The following IGSF11 variants were observed in gnomAD, a reference collection of about 807,000 sequenced individuals.
The protein encoded by IGSF11 is immunoglobulin superfamily member 11.
In IGSF11, 22 loss-of-function variants were observed where a neutral mutation model predicts 41.0. The ratio of observed to expected loss-of-function variants is 0.54; its 90% CI spans 0.38 to 0.77. The LOEUF (loss-of-function observed/expected upper bound fraction) is 0.77. Ranked by LOEUF, IGSF11 falls within the 30% of genes least tolerant of loss-of-function variation. IGSF11 has a pLI of 0.00. For missense variants in IGSF11, 444 were observed against 530.8 expected, an observed-to-expected ratio of 0.84 and a Z score of 1.61; for synonymous variants, 219 against 201.3, an observed-to-expected ratio of 1.09 and a Z score of -0.74.
chr3:118,946,456 A>AAG (rs1553758997), intron 1 of IGSF11, among the ~76,000 whole-genome samples: 5 of 151,846 alleles, frequency 3.3e-5, no homozygotes, highest in Non-Finnish European at 7.4e-5. Context: ...TAAAAAAAAA[A>AAG]AAGAAGAAGA....
chr3:118,937,742 A>G (rs965022516), intron 1 of IGSF11, among the ~76,000 whole-genome samples: 23 of 152,322 alleles, frequency 1.5e-4, no homozygotes, highest in African/African-American at 5.3e-4. Flanking sequence ...ATAAAATTAT[A>G]TATCTTCATT....
intron 1 of IGSF11, among the ~76,000 whole-genome samples, chr3:118,935,471 C>G (rs1231560587): frequency 6.7e-6 from 1 of 148,220 alleles, no homozygotes; most frequent in Non-Finnish European, 1.5e-5. Flanking sequence ...TATCAGATGC[C>G]AAAAGAGACT....
chr3:119,138,258 T>C (rs1324256390), intron 1 of IGSF11, among the ~76,000 whole-genome samples: 1 of 152,068 alleles, frequency 6.6e-6, no homozygotes, highest in Non-Finnish European at 1.5e-5. Flanking sequence ...GTCAAAGAGA[T>C]ATCTTCACTC....
rs1317322319 is a variant in IGSF11 at position 119,001,583 on chromosome 3, C to T, written c.52+32948G>A. On this transcript the variant is annotated intron_variant, in intron 1 of 6. Coordinates refer to ENST00000393775, the MANE Select transcript of IGSF11 (RefSeq NM_001015887.3). ...TGCGCTGCACCCACTAACTCGTCAT[C>T]TAGCATTAGGTATATCTCCCAATGC... Among the ~76,000 whole-genome samples the T allele has an allele frequency of 6.3e-5, 9 of 142,516 alleles. 1 individual carries two copies. Among genetic ancestry groups the T allele is most frequent in the African/African-American group, 2.4e-4 (9 of 38,222 alleles). The allele number at this position is 142,516 out of a possible 152,430, so 93.5% of individuals were successfully genotyped here. A position where few individuals can be genotyped will look rare whatever the true frequency, so the allele number is the denominator to read the frequency against.
At chr3:119,109,387 G>A (rs1468531220), upstream of IGSF11, among the ~76,000 whole-genome samples, 11 of 152,186 alleles carry the variant, frequency 7.2e-5, no homozygotes, top group African/African-American at 2.6e-4. Context: ...AGAGGTGTTT[G>A]TAGTATTCTC....
In IGSF11 at chr3:119,017,039, C is replaced by CAAAAAAAA. The variant is rs60190891; in HGVS notation, c.52+17484_52+17491dup. On this transcript the variant is annotated intron_variant, in intron 1 of 6. Transcript: ENST00000393775. ...TGAGCAAAGTTAAATGGACGCAGGACAAAAAAAAAAAAAAAAAAGCCAACT... is the reference window on the plus strand; with the variant it reads ...TGAGCAAAGTTAAATGGACGCAGGACAAAAAAAAAAAAAAAAAAAAAAAAAAGCCAACT... 1.0e-4 allele frequency among the ~76,000 whole-genome samples: 9 copies of CAAAAAAAA among 88,334 alleles called. 3 individuals are homozygous for CAAAAAAAA. Among genetic ancestry groups the CAAAAAAAA allele is most frequent in the Non-Finnish European group, 1.5e-4 (6 of 40,006 alleles). The allele number at this position is 88,334 out of a possible 152,430, so 58.0% of individuals were successfully genotyped here. A position where few individuals can be genotyped will look rare whatever the true frequency, so the allele number is the denominator to read the frequency against.
intron 1 of IGSF11, among the ~76,000 whole-genome samples, chr3:119,055,117 C>T (rs985842207): frequency 1.3e-5 from 2 of 152,086 alleles, no homozygotes; most frequent in Non-Finnish European, 2.9e-5. Context: ...AGCTGAGGGT[C>T]GTGACTGTTA....
intron 1 of IGSF11, among the ~76,000 whole-genome samples, chr3:119,122,261 T>G (rs1365742314): frequency 1.3e-5 from 2 of 152,134 alleles, no homozygotes; most frequent in Non-Finnish European, 2.9e-5. Flanking sequence ...ACACAGCAAT[T>G]TGGGGACTTT....
At chr3:119,126,898 A>T (rs532640970) in intron 1 of IGSF11, among the ~76,000 whole-genome samples, 1 of 152,286 alleles carries the variant, frequency 6.6e-6, no homozygotes, top group East Asian at 1.9e-4. Context: ...TCAAAGTCCA[A>T]AACTAGACAA....
chr3:119,127,991 T>C (rs2077425726), intron 1 of IGSF11, among the ~76,000 whole-genome samples: 3 of 152,110 alleles, frequency 2.0e-5, no homozygotes, highest in South Asian at 4.1e-4. Flanking sequence ...AGAAACTGCA[T>C]CAACTAGTGT....
At chr3:119,009,227 C>T (rs1057110554) in intron 1 of IGSF11, among the ~76,000 whole-genome samples, 2 of 152,018 alleles carry the variant, frequency 1.3e-5, no homozygotes, top group African/African-American at 4.8e-5. Flanking sequence ...ATTCTGTTAC[C>T]CAAGCTTTCC....
In IGSF11 at chr3:118,930,211, T is replaced by C; in HGVS notation, c.117A>G (p.Pro39=). ...PGSIQVARGQ[P]AVLPCTFTTS... ...TAGTGAAAGTGCAGGGCAGGACTGC[T>C]GGCTGACCCCGGGCCACCTGGATAC... The change falls in exon 2 of 7, where the codon CCA becomes CCG. Residue 39 remains proline (P), a synonymous_variant. Coordinates refer to ENST00000393775, the MANE Select transcript of IGSF11 (RefSeq NM_001015887.3). 4 of 1,614,036 alleles carry C rather than the reference T, an allele frequency of 2.5e-6. No individual in the cohort carries two copies. Among genetic ancestry groups the C allele is most frequent in the Non-Finnish European group, 3.4e-6 (4 of 1,179,920 alleles).
At chr3:118,992,162 G>A (rs1207306364) in intron 1 of IGSF11, among the ~76,000 whole-genome samples, 1 of 152,164 alleles carries the variant, frequency 6.6e-6, no homozygotes, top group African/African-American at 2.4e-5. Flanking sequence ...CTGAAAGGAA[G>A]AAAAGAGAAA....
At chr3:119,039,333 C>A (rs1941029026), upstream of IGSF11, among the ~76,000 whole-genome samples, 1 of 116,886 alleles carries the variant, frequency 8.6e-6, no homozygotes, top group African/African-American at 2.7e-5. Flanking sequence ...GATTCTAGAG[C>A]CCACCTACTT....
chr3:118,956,626 T>C (rs572774002), intron 1 of IGSF11, among the ~76,000 whole-genome samples: 11 of 152,250 alleles, frequency 7.2e-5, no homozygotes, highest in African/African-American at 2.6e-4. Flanking sequence ...GTTTGCCATC[T>C]TATATGGCTG....
intron 4 of IGSF11, among the ~76,000 whole-genome samples, chr3:118,916,960 A>T (rs1197688249): frequency 6.6e-6 from 1 of 152,250 alleles, no homozygotes; most frequent in East Asian, 1.9e-4. Flanking sequence ...ATCTCACTCA[A>T]AACTGCTCAG....
At chr3:118,962,752 C>T (rs1945426336) in intron 1 of IGSF11, among the ~76,000 whole-genome samples, 1 of 151,960 alleles carries the variant, frequency 6.6e-6, no homozygotes, top group Non-Finnish European at 1.5e-5. Context: ...ATTCTGTGGG[C>T]ATACCTACAA....
chr3:119,036,433 G>T (rs1940906432), upstream of IGSF11, among the ~76,000 whole-genome samples: 1 of 152,072 alleles, frequency 6.6e-6, no homozygotes, highest in Non-Finnish European at 1.5e-5. Flanking sequence ...CCTAAGCAGG[G>T]TATAAGAGTA....
intron 1 of IGSF11, among the ~76,000 whole-genome samples, chr3:119,111,866 T>C (rs536779319): frequency 7.2e-5 from 11 of 152,252 alleles, no homozygotes; most frequent in Non-Finnish European, 1.6e-4. Flanking sequence ...CTCCAGACCC[T>C]GTTTGCCTGG....
Sources: gnomAD v4.1 joint callset for allele counts (sites outside exome capture counted in the v4.1 genomes callset) on GRCh38, gnomAD v4.1.1 for gene constraint, MANE v1.5 for transcripts, NCBI Gene and HGNC (gene_info 2026-07-23, HGNC 2026-07-21) for gene names.